The following TNR variants were observed in gnomAD, a reference collection of about 807,000 sequenced individuals.
The protein encoded by TNR is tenascin-R.
In TNR, 45 loss-of-function variants were observed where a neutral mutation model predicts 150.4. The ratio of observed to expected loss-of-function variants is 0.30; its 90% CI spans 0.24 to 0.38. The LOEUF is 0.38. Among genes scored for constraint, TNR ranks in the 10% least tolerant of loss-of-function variants. TNR has a pLI of 1.00. For synonymous variants in TNR, 687 were observed against 678.4 expected (o/e 1.01, Z -0.20); for missense variants, 1,544 against 1,759.1 (o/e 0.88, Z 2.19).
intron 2 of TNR, among the ~76,000 whole-genome samples, chr1:175,496,370 G>A (rs1425829159): frequency 1.3e-5 from 2 of 152,050 alleles, no homozygotes; most frequent in African/African-American, 4.8e-5. Flanking sequence ...AACCTGGGTG[G>A]GAGCTCAGCG....
chr1:175,506,569 C>T (rs751832872), intron 2 of TNR, among the ~76,000 whole-genome samples: 12 of 152,150 alleles, frequency 7.9e-5, no homozygotes, highest in African/African-American at 1.2e-4. Flanking sequence ...GACACACATG[C>T]GTGGGGAAAA....
At position 175,637,258 on chromosome 1, in the gene TNR, G is replaced by A. The variant is rs142721148; in HGVS notation, c.-165+105968C>T. On this transcript the variant is annotated intron_variant, in intron 1 of 22. Transcript: ENST00000367674. ...TAGCATGCTAGAATATGATAACAGA[G>A]CAGACTTTGTTATTACATGGTGCAG... is the stretch of plus-strand genomic sequence containing the variant. Among the ~76,000 whole-genome samples, 50 of 152,298 alleles carry A rather than the reference G, an allele frequency of 3.3e-4. 1 individual carries two copies. In the East Asian group the frequency reaches 8.5e-3, roughly 26 times the overall value.
At chr1:175,720,583 T>C (rs1050865257) in intron 1 of TNR, among the ~76,000 whole-genome samples, 7 of 152,196 alleles carry the variant, frequency 4.6e-5, no homozygotes, top group Non-Finnish European at 7.3e-5. Flanking sequence ...GATGTTTCAA[T>C]AGGTTGATAG....
At chr1:175,584,935 G>A (rs1662507472) in intron 1 of TNR, among the ~76,000 whole-genome samples, 2 of 152,162 alleles carry the variant, frequency 1.3e-5, no homozygotes, top group African/African-American at 4.8e-5. Context: ...AGATGCTTTG[G>A]TGTCTCCTCC....
At chr1:175,414,955 A>C (rs1461312259) in intron 2 of TNR, among the ~76,000 whole-genome samples, 13 of 149,230 alleles carry the variant, frequency 8.7e-5, no homozygotes, top group Non-Finnish European at 1.8e-4. Context: ...AAAAAAAAAA[A>C]GGTGCAGGAG....
At chr1:175,535,974 T>A (rs982626445) in intron 1 of TNR, among the ~76,000 whole-genome samples, 6 of 152,166 alleles carry the variant, frequency 3.9e-5, no homozygotes, top group African/African-American at 1.2e-4. Flanking sequence ...ATCACAGATA[T>A]TTTTATATCT....
intron 1 of TNR, among the ~76,000 whole-genome samples, chr1:175,603,738 C>A (rs1663324381): frequency 6.6e-6 from 1 of 152,172 alleles, no homozygotes. Context: ...TCTCATCAAC[C>A]CAGTGCTCCT....
At chr1:175,620,105 T>C (rs573704173) in intron 1 of TNR, among the ~76,000 whole-genome samples, 1 of 152,230 alleles carries the variant, frequency 6.6e-6, no homozygotes, top group Non-Finnish European at 1.5e-5. Context: ...AATCTCCATC[T>C]GGCTCTTCCT....
intron 16 of TNR, among the ~76,000 whole-genome samples, chr1:175,355,896 A>C (rs1236192756): frequency 2.0e-5 from 3 of 152,044 alleles, no homozygotes; most frequent in Admixed American, 6.5e-5. Context: ...CTGACCTTCT[A>C]TGCCTGAGAT....
chr1:175,542,187 A>G (rs1199403828), intron 1 of TNR, among the ~76,000 whole-genome samples: 3 of 152,190 alleles, frequency 2.0e-5, no homozygotes, highest in Non-Finnish European at 2.9e-5. Flanking sequence ...ACCAAAAGAA[A>G]TAAAAGAATT....
At chr1:175,669,088 A>G (rs1326614962) in intron 1 of TNR, among the ~76,000 whole-genome samples, 1 of 152,210 alleles carries the variant, frequency 6.6e-6, no homozygotes, top group Non-Finnish European at 1.5e-5. Context: ...ATCCAATCAC[A>G]TCAGCTCCTG....
intron 18 of TNR, among the ~76,000 whole-genome samples, chr1:175,343,219 C>A (rs961428717): frequency 2.0e-5 from 3 of 152,166 alleles, no homozygotes; most frequent in South Asian, 2.1e-4. Flanking sequence ...AAGCCCTGTA[C>A]GCTCCGTCTC....
chr1:175,406,708 C>T lies in TNR; in HGVS notation c.7G>A (p.Ala3Thr), dbSNP rs757309891. The change falls in exon 3 of 23, where the codon GCA becomes ACA. Residue 3 changes from alanine (A) to threonine (T), a missense_variant. By Grantham distance (58) the Ala-to-Thr change is moderately conservative. Coordinates refer to ENST00000367674, the MANE Select transcript of TNR (RefSeq NM_003285.3). MGADGETVVLKNM... is the reference protein window; with the variant it reads MGTDGETVVLKNM... ...TTCAGAACCACTGTTTCCCCATCTG[C>T]CCCCATCCTCTCAGCCAGAGATCTG... 1.9e-6 allele frequency: 3 copies of T among 1,613,454 alleles called. No homozygotes were observed. Among genetic ancestry groups the T allele is most frequent in the East Asian group, 2.2e-5 (1 of 44,880 alleles).
At chr1:175,652,390 G>A (rs1665027365) in intron 1 of TNR, among the ~76,000 whole-genome samples, 1 of 151,712 alleles carries the variant, frequency 6.6e-6, no homozygotes, top group Non-Finnish European at 1.5e-5. Flanking sequence ...ATACAAACTT[G>A]GCAAATATTT....
At chr1:175,620,743 A>T (rs1464006893) in intron 1 of TNR, among the ~76,000 whole-genome samples, 1 of 152,130 alleles carries the variant, frequency 6.6e-6, no homozygotes, top group Non-Finnish European at 1.5e-5. Flanking sequence ...CAGCACTGCA[A>T]CAGTCACAGC....
intron 2 of TNR, among the ~76,000 whole-genome samples, chr1:175,446,730 A>C (rs1348643697): frequency 2.0e-5 from 3 of 152,200 alleles, no homozygotes; most frequent in Admixed American, 2.0e-4. Flanking sequence ...TGCTCATTGC[A>C]AGGGACCTGT....
intron 1 of TNR, among the ~76,000 whole-genome samples, chr1:175,659,092 C>A (rs1326113468): frequency 6.6e-6 from 1 of 152,214 alleles, no homozygotes; most frequent in African/African-American, 2.4e-5. Context: ...CCAAGCATTG[C>A]CCCAGCAGTC....
rs111656969 is a variant in TNR, at chr1:175,478,406, G to A, written c.-64+49863C>T. Among the ~76,000 whole-genome samples the A allele has an allele frequency of 1.4e-3, 220 of 152,300 alleles. 2 individuals carry two copies. The highest frequency in any genetic ancestry group is 5.0e-3 in the African/African-American group (209 of 41,574). ...AGAAATGCAGTGCAAGCCAGACACT[G>A]ATTCATGGTCTGACCTTGGACAAAA... On this transcript the variant is annotated intron_variant, in intron 2 of 22. Coordinates refer to ENST00000367674, the MANE Select transcript of TNR (RefSeq NM_003285.3).
intron 2 of TNR, among the ~76,000 whole-genome samples, chr1:175,444,076 C>A (rs1294463642): frequency 6.6e-6 from 1 of 152,154 alleles, no homozygotes; most frequent in Non-Finnish European, 1.5e-5. Context: ...TCTCCTGGGA[C>A]AGGGAGGCCC....
Sources: gnomAD v4.1 joint callset for allele counts (sites outside exome capture counted in the v4.1 genomes callset) on GRCh38, gnomAD v4.1.1 for gene constraint, MANE v1.5 for transcripts, NCBI Gene and HGNC (gene_info 2026-07-23, HGNC 2026-07-21) for gene names.